SORCS2: variants seen among roughly 807,000 people sequenced by gnomAD.
SORCS2 encodes the protein sortilin related VPS10 domain containing receptor 2.
A neutral mutation model predicts 141.6 loss-of-function variants in SORCS2; 100 were observed. The ratio of observed to expected loss-of-function variants is 0.71; its 90% confidence interval spans 0.60 to 0.83. The LOEUF (loss-of-function observed/expected upper bound fraction) is 0.83, where lower values mean the gene tolerates loss of function less well. Ranked by LOEUF, SORCS2 falls within the 40% of genes least tolerant of loss-of-function variation. The probability of loss-of-function intolerance (pLI) is 0.00; values close to 1 mark genes in which losing one functional copy is unlikely to be tolerated. For synonymous variants in SORCS2, 789 were observed against 676.9 expected, an observed-to-expected ratio of 1.17 and a Z score of -2.57; for missense variants, 1,646 against 1,560.2, an observed-to-expected ratio of 1.05 and a Z score of -0.93.
intron 1 of SORCS2, among the ~76,000 whole-genome samples, chr4:7,378,566 C>A (rs909194475): frequency 2.0e-5 from 3 of 152,192 alleles, no homozygotes; most frequent in Non-Finnish European, 4.4e-5. Context: ...ACGAGAATGG[C>A]ATGGGGGAAT....
rs71173496 is a variant in SORCS2 at position 7,373,478 on chromosome 4, A to ATTTTTTTTTTTTT, written c.481-22794_481-22782dup. Among the ~76,000 whole-genome samples, 9 of 36,816 alleles carry ATTTTTTTTTTTTT rather than the reference A, an allele frequency of 2.4e-4. 3 individuals carry two copies. Among genetic ancestry groups the ATTTTTTTTTTTTT allele is most frequent in the Non-Finnish European group, 3.3e-4 (8 of 24,124 alleles). 24.2% of individuals were successfully genotyped at this position (36,816 alleles called of 152,430 possible). Reference sequence around the variant, plus strand: ...AACTTTTATATATATATATATATATATTTTTTTTTTTTTTTTTTTTTTTTT... The same window carrying ATTTTTTTTTTTTT: ...AACTTTTATATATATATATATATATATTTTTTTTTTTTTTTTTTTTTTTTTTTTTTTTTTTTTT... On this transcript the variant is annotated intron_variant, in intron 1 of 26. Coordinates refer to ENST00000507866, the MANE Select transcript of SORCS2 (RefSeq NM_020777.3).
rs1188478618 is a variant in SORCS2, at chr4:7,728,475, A to G, written c.2982+13A>G. 6.3e-7 allele frequency: 1 copy of G among 1,588,304 alleles called. No individual in the cohort carries two copies. Among genetic ancestry groups the G allele is most frequent in the Non-Finnish European group, 8.6e-7 (1 of 1,163,436 alleles). On this transcript the variant is annotated intron_variant, in intron 22 of 26. Transcript: ENST00000507866. Reference sequence around the variant, plus strand: ...GCTGCTCTCCAAGGTGTCCACCCAGAGCCTAGAGCCTCCCCAGCCCCACGG... The same window carrying G: ...GCTGCTCTCCAAGGTGTCCACCCAGGGCCTAGAGCCTCCCCAGCCCCACGG...
chr4:7,422,928 G>A (rs1726180406), intron 2 of SORCS2, among the ~76,000 whole-genome samples: 1 of 152,094 alleles, frequency 6.6e-6, no homozygotes, highest in African/African-American at 2.4e-5. Context: ...GCAGACCACG[G>A]CCCCTCTCCA....
intron 2 of SORCS2, among the ~76,000 whole-genome samples, chr4:7,474,632 A>G (rs907082484): frequency 6.6e-6 from 1 of 152,150 alleles, no homozygotes; most frequent in Non-Finnish European, 1.5e-5. Context: ...GTCACCAAGA[A>G]GGTAGCTGGG....
At chr4:7,705,795 C>A (rs1725390814) in intron 14 of SORCS2, among the ~76,000 whole-genome samples, 1 of 152,254 alleles carries the variant, frequency 6.6e-6, no homozygotes, top group African/African-American at 2.4e-5. Flanking sequence ...CCCCTGAATG[C>A]CCCAGAGGGG....
chr4:7,299,173 C>T (rs536487246), intron 1 of SORCS2, among the ~76,000 whole-genome samples: 3 of 152,144 alleles, frequency 2.0e-5, no homozygotes, highest in Non-Finnish European at 4.4e-5. Flanking sequence ...GCAGTCAGGG[C>T]GGCCTGTCCG....
chr4:7,722,588 C>T lies in SORCS2; in HGVS notation c.2425-1109C>T, dbSNP rs77323664. ...CCTTCACCTCCACGCAGCCTCTGTC[C>T]GTGCCCAAATCTCCCTCTCCTTTCT... On this transcript the variant is annotated intron_variant, in intron 18 of 26. Transcript: ENST00000507866. Among the ~76,000 whole-genome samples, 62 of 151,774 alleles carry T rather than the reference C, an allele frequency of 4.1e-4. 1 individual carries two copies. The East Asian group carries it at 9.3e-3, about 23-fold the overall frequency.
rs1455532626 is a variant in SORCS2, at chr4:7,550,140, G to A, written c.648+18511G>A. Among the ~76,000 whole-genome samples, 27 of 146,614 alleles carry A rather than the reference G, an allele frequency of 1.8e-4. No homozygotes were observed. The East Asian group carries it at 5.2e-3, about 28-fold the overall frequency. On this transcript the variant is annotated intron_variant, in intron 3 of 26. Coordinates refer to ENST00000507866, the MANE Select transcript of SORCS2 (RefSeq NM_020777.3). ...TGTGTGTGTATGTGTGTATGTGTGT[G>A]TGTGTGTGTGTGTGTGTGTGTATTT... is the stretch of plus-strand genomic sequence containing the variant.
intron 2 of SORCS2, among the ~76,000 whole-genome samples, chr4:7,517,793 T>C (rs749634339): frequency 4.6e-5 from 7 of 152,144 alleles, no homozygotes; most frequent in Non-Finnish European, 8.8e-5. Context: ...GGAGTTAAAA[T>C]AATGAAAATG....
At chr4:7,441,194 G>C (rs1260740807) in intron 2 of SORCS2, among the ~76,000 whole-genome samples, 1 of 152,184 alleles carries the variant, frequency 6.6e-6, no homozygotes, top group Non-Finnish European at 1.5e-5. Context: ...TGAAGAGTGA[G>C]GCTAGAAGGA....
chr4:7,347,626 C>G (rs1468992153), intron 1 of SORCS2, among the ~76,000 whole-genome samples: 3 of 152,200 alleles, frequency 2.0e-5, no homozygotes, highest in African/African-American at 7.2e-5. Flanking sequence ...ACGCCTATCT[C>G]CACTCCTCCC....
intron 3 of SORCS2, among the ~76,000 whole-genome samples, chr4:7,581,947 T>C (rs548068407): frequency 1.3e-5 from 2 of 152,242 alleles, no homozygotes; most frequent in Non-Finnish European, 2.9e-5. Flanking sequence ...TATTTCATAG[T>C]CGAGACAATT....
intron 2 of SORCS2, among the ~76,000 whole-genome samples, chr4:7,518,417 A>C (rs1231493736): frequency 6.6e-6 from 1 of 152,068 alleles, no homozygotes; most frequent in Non-Finnish European, 1.5e-5. Flanking sequence ...GGGAATTCCT[A>C]GGCAAGTCCT....
chr4:7,350,626 G>A (rs542790718), intron 1 of SORCS2, among the ~76,000 whole-genome samples: 3 of 152,360 alleles, frequency 2.0e-5, no homozygotes, highest in Admixed American at 6.5e-5. Flanking sequence ...CAGGCGGCAG[G>A]TCCAGGCAGT....
intron 1 of SORCS2, among the ~76,000 whole-genome samples, chr4:7,271,141 C>T (rs1715096032): frequency 6.6e-6 from 1 of 152,214 alleles, no homozygotes; most frequent in Non-Finnish European, 1.5e-5. Context: ...TGGTCCCCTG[C>T]TCCCACCCTG....
At chr4:7,343,088 T>C (rs1022134526) in intron 1 of SORCS2, among the ~76,000 whole-genome samples, 14 of 152,218 alleles carry the variant, frequency 9.2e-5, no homozygotes, top group African/African-American at 2.9e-4. Flanking sequence ...TAGCTCGTGA[T>C]CCTCTGCCTG....
intron 1 of SORCS2, among the ~76,000 whole-genome samples, chr4:7,344,127 C>T (rs1410579189): frequency 1.3e-5 from 2 of 152,234 alleles, no homozygotes; most frequent in African/African-American, 2.4e-5. Context: ...GCTCTGCCTA[C>T]GCACCTAGAG....
chr4:7,454,135 AG>A (rs1266878420), intron 2 of SORCS2, among the ~76,000 whole-genome samples: 2 of 106,472 alleles, frequency 1.9e-5, no homozygotes, highest in African/African-American at 3.9e-5. Context: ...TGTTGGGGTC[AG>A]GAGCTGTGTG....
At chr4:7,465,820 G>GT (rs948885933) in intron 2 of SORCS2, among the ~76,000 whole-genome samples, 1 of 152,240 alleles carries the variant, frequency 6.6e-6, no homozygotes, top group African/African-American at 2.4e-5. Flanking sequence ...AGCCGCTGCT[G>GT]TTTTTTAGTG....
Sources: allele counts gnomAD v4.1 joint callset (sites outside exome capture counted in the v4.1 genomes callset), GRCh38; gene constraint gnomAD v4.1.1; transcripts MANE v1.5; gene names NCBI Gene and HGNC (gene_info 2026-07-23, HGNC 2026-07-21).